The following HMG20A variants were observed in gnomAD, a reference collection of about 807,000 sequenced individuals.
The protein encoded by HMG20A is high mobility group protein 20A.
Under a neutral mutation model 43.9 loss-of-function variants are expected in HMG20A, and 17 were observed. That is an observed-to-expected ratio of 0.39 (90% confidence interval 0.27 to 0.58). The LOEUF is 0.58. Among genes scored for constraint, HMG20A ranks in the 20% least tolerant of loss-of-function variants. The pLI is 0.59. For synonymous variants in HMG20A, 132 were observed against 147.5 expected (o/e 0.89, Z 0.76); for missense variants, 341 against 438.2 (o/e 0.78, Z 1.98).
intron 1 of HMG20A, among the ~76,000 whole-genome samples, chr15:77,432,940 C>A (rs1050033097): frequency 6.6e-6 from 1 of 151,886 alleles, no homozygotes; most frequent in African/African-American, 2.4e-5. Context: ...AACAACCTTA[C>A]ATAGACAGAT....
At chr15:77,431,412 A>G (rs563086093) in intron 1 of HMG20A, among the ~76,000 whole-genome samples, 2 of 152,234 alleles carry the variant, frequency 1.3e-5, no homozygotes, top group East Asian at 1.9e-4. Context: ...AGGTTTCACC[A>G]TGTTGGCCAG....
intron 2 of HMG20A, among the ~76,000 whole-genome samples, chr15:77,463,208 C>T (rs17471480): frequency 0.22 from 33,313 of 152,052 alleles, 4,131 homozygotes; most frequent in Middle Eastern, 0.29. Context: ...TATCTGGAAT[C>T]GTGTTGTTTA....
chr15:77,436,704 CT>C (rs1360438609), intron 1 of HMG20A, among the ~76,000 whole-genome samples: 24 of 152,158 alleles, frequency 1.6e-4, no homozygotes, highest in African/African-American at 5.6e-4. Context: ...AGTAATCCAC[CT>C]GCCTCAGCCT....
intron 1 of HMG20A, among the ~76,000 whole-genome samples, chr15:77,438,227 C>T (rs1273366899): frequency 6.6e-6 from 1 of 150,912 alleles, no homozygotes; most frequent in Non-Finnish European, 1.5e-5. Flanking sequence ...GATCCTCCCA[C>T]CTTGGCCTCC....
chr15:77,437,918 G>A (rs1288669316), intron 1 of HMG20A, among the ~76,000 whole-genome samples: 1 of 151,868 alleles, frequency 6.6e-6, no homozygotes, highest in African/African-American at 2.4e-5. Context: ...GTTCTCAATA[G>A]CAGTCTTGAC....
chr15:77,477,510 T>G (rs1209986590), intron 6 of HMG20A, 45 bp from the exon 7 acceptor site: 11 of 1,343,438 alleles, frequency 8.2e-6, no homozygotes, highest in Non-Finnish European at 1.2e-5. Flanking sequence ...TTATTTAATT[T>G]ATCTTCTATT....
intron 1 of HMG20A, among the ~76,000 whole-genome samples, chr15:77,443,238 GT>G: frequency 6.6e-6 from 1 of 150,970 alleles, no homozygotes; most frequent in South Asian, 2.1e-4. Flanking sequence ...TCACCATGTT[GT>G]CCAGGCTGGT....
At chr15:77,509,549 C>T in the HMG20A span, among the ~76,000 whole-genome samples, 1 of 138,352 alleles carries the variant, frequency 7.2e-6, no homozygotes, top group Non-Finnish European at 1.5e-5. Flanking sequence ...AGCCTCTGTG[C>T]CCAGCCGTGT....
Position 77,478,313 on chromosome 15 carries a change from G to A in HMG20A, c.710G>A (p.Arg237His), listed in dbSNP as rs746715977. The A allele has an allele frequency of 1.2e-6, 2 of 1,613,392 alleles. No homozygotes were observed. Among genetic ancestry groups the A allele is most frequent in the South Asian group, 1.1e-5 (1 of 91,040 alleles). ...NHSKAREAELRQLRKSNMEFE... is the reference protein window; with the variant it reads ...NHSKAREAELHQLRKSNMEFE... Reference sequence around the variant, plus strand: ...TCCTCAGCTCGGGAAGCAGAGCTCCGCCAGCTTCGCAAATCCAACATGGAG... The same window carrying A: ...TCCTCAGCTCGGGAAGCAGAGCTCCACCAGCTTCGCAAATCCAACATGGAG... The change falls in exon 8 of 10, where the codon CGC becomes CAC. Residue 237 changes from arginine to histidine, a missense_variant. By Grantham distance (29) the Arg-to-His change is conservative. This residue lies in a region of HMG20A where 118 missense variants were observed against 154.5 expected (regional missense o/e 0.76). Coordinates refer to ENST00000336216, the MANE Select transcript of HMG20A (RefSeq NM_001304504.2).
chr15:77,482,117 T>C (rs1473424132), intron 9 of HMG20A: 3 of 152,148 alleles, frequency 2.0e-5, no homozygotes, highest in Non-Finnish European at 4.4e-5. Context: ...ACCACAGATA[T>C]CTAAACTCTC....
chr15:77,436,057 C>G (rs2073544421), intron 1 of HMG20A, among the ~76,000 whole-genome samples: 2 of 152,174 alleles, frequency 1.3e-5, no homozygotes, highest in East Asian at 1.9e-4. Flanking sequence ...CCATCTCAGA[C>G]TTTTGTTCTG....
downstream of HMG20A, among the ~76,000 whole-genome samples, chr15:77,487,596 T>C (rs997278338): frequency 6.6e-6 from 1 of 152,176 alleles, no homozygotes; most frequent in African/African-American, 2.4e-5. Context: ...CATAAACAGG[T>C]GGTAATACTT....
chr15:77,482,094 A>G (rs1225046078), intron 9 of HMG20A: 2 of 152,204 alleles, frequency 1.3e-5, no homozygotes, highest in Non-Finnish European at 2.9e-5. Flanking sequence ...TGAGTACAGA[A>G]TCCAAGACTA....
the HMG20A span, among the ~76,000 whole-genome samples, chr15:77,492,705 G>C: frequency 6.6e-6 from 1 of 152,070 alleles, no homozygotes; most frequent in East Asian, 1.9e-4. Context: ...AAGATACTTG[G>C]GGGGCTGAGG....
At chr15:77,488,582 G>A (rs1254525913), downstream of HMG20A, among the ~76,000 whole-genome samples, 2 of 152,066 alleles carry the variant, frequency 1.3e-5, no homozygotes, top group East Asian at 3.8e-4. Flanking sequence ...AATTAATAAG[G>A]GCTTTATCTG....
the HMG20A span, among the ~76,000 whole-genome samples, chr15:77,505,853 C>T: frequency 3.9e-5 from 6 of 152,338 alleles, no homozygotes; most frequent in East Asian, 1.2e-3. Flanking sequence ...TGAGCTGTGT[C>T]TTCCTTCTGC....
In HMG20A at chr15:77,467,274, T is replaced by A; in HGVS notation, c.417T>A (p.Asn139Lys). The change falls in exon 4 of 10, where the codon AAT (asparagine) becomes AAA (lysine). Residue 139 changes from asparagine (N) to lysine (K), a missense_variant. Asn to Lys is a moderately conservative substitution (Grantham distance 94, BLOSUM62 0). Around this residue, in one of 3 missense-constraint regions of HMG20A, gnomAD observed 220 missense variants for 263.6 expected, o/e 0.83. Transcript: ENST00000336216. ...CAGAAATCACAAGGATGTTAGGCAA[T>A]GAATGGAGTAAACTGCCTCCTGAGG... ...PFPEITRMLG[N>K]EWSKLPPEEK... is the part of the protein sequence containing the mutation. 1 of 1,614,090 alleles carries A rather than the reference T, an allele frequency of 6.2e-7. No homozygotes were observed. The highest frequency in any genetic ancestry group is 8.5e-7 in the Non-Finnish European group (1 of 1,179,966).
chr15:77,442,857 CTAAG>C (rs928967667), intron 1 of HMG20A, among the ~76,000 whole-genome samples: 2 of 151,998 alleles, frequency 1.3e-5, no homozygotes, highest in Non-Finnish European at 2.9e-5. Context: ...AAAAAAGAAA[CTAAG>C]TATTGCATGT....
intron 1 of HMG20A, among the ~76,000 whole-genome samples, chr15:77,424,879 C>T (rs1031583156): frequency 3.9e-5 from 6 of 152,046 alleles, no homozygotes; most frequent in Non-Finnish European, 7.4e-5. Context: ...TATTTAAATA[C>T]GAAAACCAAA....
Sources: allele counts gnomAD v4.1 joint callset (sites outside exome capture counted in the v4.1 genomes callset), GRCh38; gene constraint gnomAD v4.1.1; regional missense constraint gnomAD v4.1.1; transcripts MANE v1.5; gene names NCBI Gene and HGNC (gene_info 2026-07-23, HGNC 2026-07-21).